Variants in GNG12 observed in about 807,000 individuals in gnomAD.
GNG12 encodes the protein guanine nucleotide-binding protein G(I)/G(S)/G(O) subunit gamma-12.
For synonymous variants in GNG12, 28 were observed against 29.7 expected, an observed-to-expected ratio of 0.94 and a Z score of 0.19; for missense variants, 69 against 83.8, an observed-to-expected ratio of 0.82 and a Z score of 0.69.
chr1:67,785,686 T>C (rs1325693497), intron 1 of GNG12, among the ~76,000 whole-genome samples: 2 of 152,162 alleles, frequency 1.3e-5, no homozygotes, highest in African/African-American at 4.8e-5. Flanking sequence ...AAAGTACAGG[T>C]TGCACTAACT....
At chr1:67,781,375 A>G (rs964480623) in intron 1 of GNG12, among the ~76,000 whole-genome samples, 2 of 152,188 alleles carry the variant, frequency 1.3e-5, no homozygotes, top group East Asian at 3.8e-4. Flanking sequence ...TTTATTATTG[A>G]GAGGTATACT....
At position 67,714,918 on chromosome 1, in the gene GNG12, TTTTG is replaced by T. The variant is rs61446827; in HGVS notation, c.-26-7210_-26-7207del. Among the ~76,000 whole-genome samples the T allele has an allele frequency of 3.5e-3, 537 of 152,102 alleles. 3 individuals carry two copies. The highest frequency in any genetic ancestry group is 0.012 in the African/African-American group (502 of 41,424). ...AACGCAGAGGGAGAAAACGGCCATCTTTTGTTTGTTTGTTTGTTTTTGAGATGGA... is the reference window on the plus strand; with the variant it reads ...AACGCAGAGGGAGAAAACGGCCATCTTTTGTTTGTTTGTTTTTGAGATGGA... On this transcript the variant is annotated intron_variant, in intron 2 of 3. Coordinates refer to ENST00000370982, the MANE Select transcript of GNG12 (RefSeq NM_018841.6).
intron 1 of GNG12, among the ~76,000 whole-genome samples, chr1:67,789,716 G>C (rs899446707): frequency 1.3e-5 from 2 of 152,222 alleles, no homozygotes; most frequent in Non-Finnish European, 2.9e-5. Flanking sequence ...ACTGCCCTGA[G>C]CCTGGATCAG....
At chr1:67,742,744 T>C (rs1476280618) in intron 2 of GNG12, among the ~76,000 whole-genome samples, 7 of 152,240 alleles carry the variant, frequency 4.6e-5, no homozygotes, top group Non-Finnish European at 1.0e-4. Context: ...GCTTTCTACA[T>C]CAAATAATGC....
chr1:67,724,097 C>T (rs1420542927), intron 2 of GNG12, among the ~76,000 whole-genome samples: 1 of 152,114 alleles, frequency 6.6e-6, no homozygotes, highest in Non-Finnish European at 1.5e-5. Context: ...TCGAAACTTT[C>T]AGGGGCAGGA....
At chr1:67,789,798 C>G (rs1442859225) in intron 1 of GNG12, among the ~76,000 whole-genome samples, 2 of 151,914 alleles carry the variant, frequency 1.3e-5, no homozygotes, top group Non-Finnish European at 2.9e-5. Flanking sequence ...CTTCCCCAGG[C>G]CTTGGACTCA....
chr1:67,757,805 CT>C (rs1258919160), intron 2 of GNG12, among the ~76,000 whole-genome samples: 1 of 152,160 alleles, frequency 6.6e-6, no homozygotes, highest in Non-Finnish European at 1.5e-5. Flanking sequence ...GAAGGCTGAA[CT>C]AGGGGTCCCC....
At chr1:67,780,128 T>C (rs1018676043) in intron 1 of GNG12, among the ~76,000 whole-genome samples, 5 of 152,226 alleles carry the variant, frequency 3.3e-5, no homozygotes, top group African/African-American at 1.2e-4. Context: ...ATTGGTAATA[T>C]TAAAAGCTGG....
chr1:67,772,081 T>C (rs1270037656), intron 2 of GNG12, among the ~76,000 whole-genome samples: 1 of 152,012 alleles, frequency 6.6e-6, no homozygotes, highest in Non-Finnish European at 1.5e-5. Flanking sequence ...GAAGCAACGG[T>C]TTTTAAGCAA....
intron 1 of GNG12, among the ~76,000 whole-genome samples, chr1:67,780,184 AATCCCC>A (rs1646729432): frequency 6.6e-6 from 1 of 152,134 alleles, no homozygotes; most frequent in African/African-American, 2.4e-5. Context: ...ATGCTCCTTT[AATCCCC>A]TTGGTAATCC....
intron 2 of GNG12, among the ~76,000 whole-genome samples, chr1:67,738,398 G>C (rs1646464189): frequency 6.6e-6 from 1 of 152,116 alleles, no homozygotes. Flanking sequence ...GCTTGTCCTA[G>C]GTATATAGAG....
intron 2 of GNG12, among the ~76,000 whole-genome samples, chr1:67,719,606 G>T (rs892504879): frequency 3.3e-5 from 5 of 152,150 alleles, no homozygotes; most frequent in African/African-American, 4.8e-5. Context: ...CCCACTGTTG[G>T]CTTGGTAATA....
chr1:67,811,160 C>T (rs1646923222), intron 1 of GNG12, among the ~76,000 whole-genome samples: 1 of 152,144 alleles, frequency 6.6e-6, no homozygotes, highest in Non-Finnish European at 1.5e-5. Flanking sequence ...TAGTTTTCAA[C>T]TTTCTTTTTT....
At chr1:67,793,031 G>A (rs1057180168) in intron 1 of GNG12, among the ~76,000 whole-genome samples, 2 of 152,104 alleles carry the variant, frequency 1.3e-5, no homozygotes, top group East Asian at 3.9e-4. Context: ...ACCCCACAGA[G>A]ACCAATGTCA....
chr1:67,763,602 A>G (rs998112563), intron 2 of GNG12, among the ~76,000 whole-genome samples: 9 of 151,770 alleles, frequency 5.9e-5, no homozygotes, highest in Non-Finnish European at 1.3e-4. Context: ...GTGCAATCAC[A>G]TAGCTCTACA....
intron 1 of GNG12, among the ~76,000 whole-genome samples, chr1:67,803,711 C>T (rs1338550395): frequency 6.6e-6 from 1 of 152,114 alleles, no homozygotes; most frequent in Non-Finnish European, 1.5e-5. Context: ...ATAGCATATC[C>T]AATGTCCCAT....
chr1:67,733,344 C>T (rs1484452032), intron 2 of GNG12, among the ~76,000 whole-genome samples: 1 of 152,166 alleles, frequency 6.6e-6, no homozygotes, highest in African/African-American at 2.4e-5. Flanking sequence ...CTTCAAATTT[C>T]ACTCTAAAGG....
chr1:67,829,892 G>A (rs1398461167), intron 1 of GNG12, among the ~76,000 whole-genome samples: 1 of 151,868 alleles, frequency 6.6e-6, no homozygotes, highest in Non-Finnish European at 1.5e-5. Flanking sequence ...AGTAAAATGA[G>A]AAATCATCTG....
intron 1 of GNG12, among the ~76,000 whole-genome samples, chr1:67,826,944 C>T (rs367727752): frequency 4.7e-4 from 71 of 152,334 alleles, no homozygotes; most frequent in African/African-American, 1.0e-3. Flanking sequence ...TGGTCAAGGA[C>T]GTCTTGGCTA....
Sources: gnomAD v4.1 joint callset for allele counts (sites outside exome capture counted in the v4.1 genomes callset) on GRCh38, gnomAD v4.1.1 for gene constraint, MANE v1.5 for transcripts, NCBI Gene and HGNC (gene_info 2026-07-23, HGNC 2026-07-21) for gene names.